The following PLCE1 variants were observed in gnomAD, a reference collection of about 807,000 sequenced individuals.
The protein encoded by PLCE1 is phospholipase C epsilon 1, also known as 1-phosphatidylinositol 4,5-bisphosphate phosphodiesterase epsilon-1.
A neutral mutation model predicts 242.8 loss-of-function variants in PLCE1; 119 were observed. That is an observed-to-expected ratio of 0.49 (90% CI 0.42 to 0.57). The LOEUF is 0.57. PLCE1 is among the 20% of genes least tolerant of loss of function. The pLI, the probability that PLCE1 is intolerant of heterozygous loss-of-function variation, is 0.00. For missense variants in PLCE1, 2,441 were observed against 2,788.8 expected, an observed-to-expected ratio of 0.88 and a Z score of 2.81; for synonymous variants, 945 against 1,017.4, an observed-to-expected ratio of 0.93 and a Z score of 1.35.
intron 3 of PLCE1, among the ~76,000 whole-genome samples, chr10:94,164,228 A>T (rs2047715871): frequency 6.6e-6 from 1 of 152,154 alleles, no homozygotes; most frequent in African/African-American, 2.4e-5. Flanking sequence ...GTTCTGCTGG[A>T]TAATATCCTG....
intron 1 of PLCE1, among the ~76,000 whole-genome samples, chr10:94,023,500 T>C (rs959669318): frequency 1.3e-5 from 2 of 152,156 alleles, no homozygotes; most frequent in African/African-American, 2.4e-5. Context: ...CATCACAACA[T>C]CACAATTCTA....
chr10:94,289,503 A>T (rs938161591), intron 22 of PLCE1, among the ~76,000 whole-genome samples: 1 of 152,212 alleles, frequency 6.6e-6, no homozygotes, highest in Non-Finnish European at 1.5e-5. Flanking sequence ...CATAGAGTGA[A>T]CTTAGACAAA....
At position 94,327,589 on chromosome 10, in the gene PLCE1, A is replaced by G. The variant is rs568359223; in HGVS notation, c.*25-379A>G. 3.3e-5 allele frequency among the ~76,000 whole-genome samples: 5 copies of G among 152,354 alleles called. No homozygotes were observed. The South Asian group carries it at 1.0e-3, about 32-fold the overall frequency. On this transcript the variant is annotated intron_variant, in intron 32 of 32. Coordinates refer to ENST00000371380, the MANE Select transcript of PLCE1 (RefSeq NM_016341.4). ...TTCCACTTTTTAGGTAACATATTTC[A>G]TATTTGTTCTAAAATGATCCCTTTT...
At chr10:94,165,588 C>CA (rs759152688) in intron 3 of PLCE1, among the ~76,000 whole-genome samples, 14 of 151,680 alleles carry the variant, frequency 9.2e-5, no homozygotes, top group Non-Finnish European at 1.8e-4. Context: ...AAGTAACTTA[C>CA]AAAAAAACAG....
intron 3 of PLCE1, among the ~76,000 whole-genome samples, chr10:94,160,578 A>T (rs2047578774): frequency 6.6e-6 from 1 of 151,874 alleles, no homozygotes; most frequent in South Asian, 2.1e-4. Context: ...TTGCCTGTTC[A>T]CTCTGATGGT....
chr10:94,072,276 T>TTTC (rs1564663599), intron 2 of PLCE1, among the ~76,000 whole-genome samples: 41 of 151,928 alleles, frequency 2.7e-4, no homozygotes, highest in African/African-American at 9.7e-4. Flanking sequence ...TTCTTTCTTT[T>TTTC]TTGTTTTTTT....
At chr10:94,182,383 C>T (rs1281314073) in intron 4 of PLCE1, among the ~76,000 whole-genome samples, 1 of 151,934 alleles carries the variant, frequency 6.6e-6, no homozygotes, top group African/African-American at 2.4e-5. Flanking sequence ...TCTCGTGCCT[C>T]AGCCTCCCGA....
At chr10:94,112,620 T>C (rs2045990086) in intron 2 of PLCE1, among the ~76,000 whole-genome samples, 2 of 152,158 alleles carry the variant, frequency 1.3e-5, no homozygotes, top group African/African-American at 2.4e-5. Context: ...TTAAAAGATA[T>C]AATCCATGGC....
At chr10:94,271,481 A>T (rs960893316) in intron 18 of PLCE1, among the ~76,000 whole-genome samples, 1 of 151,330 alleles carries the variant, frequency 6.6e-6, no homozygotes, top group Non-Finnish European at 1.5e-5. Flanking sequence ...CGTCTGGCTA[A>T]TTTTTTGTAT....
Position 94,328,230 on chromosome 10 carries a change from C to T in PLCE1, c.*287C>T, listed in dbSNP as rs2054104076. On this transcript the variant is annotated 3_prime_UTR_variant, in exon 33 of 33. Coordinates refer to ENST00000371380, the MANE Select transcript of PLCE1 (RefSeq NM_016341.4). ...TTGACTTAGAGCAAGGGTCAGCAAG[C>T]TTGTCTGTAAAGGGCCAAACAGTAA... is the stretch of plus-strand genomic sequence containing the variant. 3.5e-6 allele frequency: 1 copy of T among 282,892 alleles called. No homozygotes were observed. The highest frequency in any genetic ancestry group is 7.4e-6 in the Non-Finnish European group (1 of 134,756). 17.5% of individuals were successfully genotyped at this position (282,892 alleles called of 1,614,324 possible).
chr10:94,136,934 T>C (rs1396988148), intron 3 of PLCE1, among the ~76,000 whole-genome samples: 5 of 152,232 alleles, frequency 3.3e-5, no homozygotes, highest in African/African-American at 1.2e-4. Context: ...GGCTCACGCC[T>C]GTAATCCCAG....
At chr10:94,168,128 G>A (rs1311997058) in intron 3 of PLCE1, among the ~76,000 whole-genome samples, 1 of 152,166 alleles carries the variant, frequency 6.6e-6, no homozygotes, top group Non-Finnish European at 1.5e-5. Context: ...TCATGAGGAA[G>A]GACCAGGGGT....
chr10:94,005,612 C>T (rs902388631), intron 1 of PLCE1, among the ~76,000 whole-genome samples: 1 of 152,228 alleles, frequency 6.6e-6, no homozygotes, highest in Non-Finnish European at 1.5e-5. Context: ...CTAATTCTCA[C>T]TTCTGAGCTC....
chr10:94,162,910 T>G (rs1243589205), intron 3 of PLCE1, among the ~76,000 whole-genome samples: 1 of 152,232 alleles, frequency 6.6e-6, no homozygotes, highest in Non-Finnish European at 1.5e-5. Context: ...CATTTCATTA[T>G]GTACCCAGTA....
chr10:94,038,252 TG>T (rs140029525), intron 2 of PLCE1, among the ~76,000 whole-genome samples: 1 of 151,982 alleles, frequency 6.6e-6, no homozygotes, highest in African/African-American at 2.4e-5. Flanking sequence ...GAAGCATCAG[TG>T]GGGGGAGGTG....
At chr10:94,243,294 A>G (rs1453536597) in intron 7 of PLCE1, among the ~76,000 whole-genome samples, 1 of 152,186 alleles carries the variant, frequency 6.6e-6, no homozygotes, top group African/African-American at 2.4e-5. Context: ...AGGGGCCTTC[A>G]AGAAAACACC....
intron 2 of PLCE1, among the ~76,000 whole-genome samples, chr10:94,035,212 C>T (rs574918004): frequency 2.6e-5 from 4 of 152,254 alleles, no homozygotes; most frequent in East Asian, 1.9e-4. Context: ...AGAGCACAAT[C>T]GAAATTTAAA....
intron 2 of PLCE1, among the ~76,000 whole-genome samples, chr10:94,049,653 T>C (rs1353441258): frequency 6.6e-6 from 1 of 152,012 alleles, no homozygotes; most frequent in Non-Finnish European, 1.5e-5. Flanking sequence ...TACAGAAAAA[T>C]ATGCAAATCA....
chr10:93,999,999 G>C (rs532950233), intron 1 of PLCE1, among the ~76,000 whole-genome samples: 4 of 152,328 alleles, frequency 2.6e-5, no homozygotes, highest in African/African-American at 9.6e-5. Flanking sequence ...AGTGATATTG[G>C]TTGGGAACAG....
Sources: allele counts gnomAD v4.1 joint callset (sites outside exome capture counted in the v4.1 genomes callset), GRCh38; gene constraint gnomAD v4.1.1; transcripts MANE v1.5; gene names NCBI Gene and HGNC (gene_info 2026-07-23, HGNC 2026-07-21).